Variants in RAPGEF2 observed in about 807,000 individuals in gnomAD.
RAPGEF2 encodes PDZ domain containing guanine nucleotide exchange factor (GEF) 1.
In RAPGEF2, 54 loss-of-function variants were observed where a neutral mutation model predicts 186.7. That is an observed-to-expected ratio of 0.29 (90% CI 0.23 to 0.36). RAPGEF2 has a LOEUF of 0.36. RAPGEF2 is among the 10% of genes least tolerant of loss of function. RAPGEF2 has a pLI of 1.00. For synonymous variants in RAPGEF2, 712 were observed against 705.9 expected (o/e 1.01, Z -0.14); for missense variants, 1,532 against 2,045.0 (o/e 0.75, Z 4.84).
intron 3 of RAPGEF2, among the ~76,000 whole-genome samples, 158 bp downstream of exon 3, chr4:159,193,414 T>C (rs561177350): frequency 1.3e-5 from 2 of 152,350 alleles, no homozygotes; most frequent in East Asian, 3.9e-4. Flanking sequence ...TGTCATAAAA[T>C]AAAAGTTTAC....
chr4:159,183,005 T>C (rs1174003414), intron 1 of RAPGEF2, among the ~76,000 whole-genome samples: 1 of 152,194 alleles, frequency 6.6e-6, no homozygotes, highest in African/African-American at 2.4e-5. Flanking sequence ...CGGATTGGTC[T>C]GCAGATTCAA....
At chr4:159,268,232 C>T (rs1340871284) in intron 7 of RAPGEF2, 2 of 1,543,980 alleles carry the variant, frequency 1.3e-6, no homozygotes, top group South Asian at 1.1e-5. Context: ...ATCGCAAATG[C>T]TGCTTGTGCT....
intron 9 of RAPGEF2, among the ~76,000 whole-genome samples, chr4:159,315,331 G>A (rs966003010): frequency 1.3e-5 from 2 of 151,502 alleles, no homozygotes; most frequent in East Asian, 3.9e-4. Context: ...TTATGTTCAG[G>A]AGTACAAGTG....
intron 7 of RAPGEF2, among the ~76,000 whole-genome samples, chr4:159,262,194 G>C (rs1043942160): frequency 6.6e-6 from 1 of 152,190 alleles, no homozygotes; most frequent in South Asian, 2.1e-4. Context: ...GACAATATCA[G>C]ATAAGTTTTG....
intron 7 of RAPGEF2, among the ~76,000 whole-genome samples, chr4:159,292,381 A>G (rs964693131): frequency 6.6e-6 from 1 of 152,138 alleles, no homozygotes; most frequent in Admixed American, 6.5e-5. Context: ...CCTTCATTCC[A>G]TTCATATCTT....
At chr4:159,283,875 G>T (rs1434952238) in intron 7 of RAPGEF2, among the ~76,000 whole-genome samples, 2 of 152,114 alleles carry the variant, frequency 1.3e-5, no homozygotes, top group African/African-American at 4.8e-5. Context: ...TCTTAATGAT[G>T]CGTCTTTACA....
intron 4 of RAPGEF2, among the ~76,000 whole-genome samples, chr4:159,215,093 C>CCT (rs1750874253): frequency 6.6e-6 from 1 of 152,196 alleles, no homozygotes; most frequent in Non-Finnish European, 1.5e-5. Context: ...GAACTCCTGA[C>CCT]CTCAAGTGAT....
chr4:159,350,309 T>A lies in RAPGEF2; in HGVS notation c.3865+20T>A. On this transcript the variant is annotated intron_variant, in intron 26 of 29. Transcript: ENST00000691494. Reference sequence around the variant, plus strand: ...GGAAAGGTAGAATTAAATTACTTTTTGTTTTCTTGTATTGAAACCTATACA... The same window carrying A: ...GGAAAGGTAGAATTAAATTACTTTTAGTTTTCTTGTATTGAAACCTATACA... 6.6e-7 allele frequency: 1 copy of A among 1,526,080 alleles called. No individual in the cohort carries two copies. The highest frequency in any genetic ancestry group is 8.8e-7 in the Non-Finnish European group (1 of 1,135,898). 94.5% of individuals were successfully genotyped at this position (1,526,080 alleles called of 1,614,324 possible).
chr4:159,127,647 C>G (rs193201844), intron 1 of RAPGEF2, among the ~76,000 whole-genome samples: 86 of 152,204 alleles, frequency 5.7e-4, no homozygotes, highest in Non-Finnish European at 4.3e-4. Context: ...ACCTTTATGA[C>G]CTTTATGTCT....
At chr4:159,149,620 TA>T (rs1481583205) in intron 1 of RAPGEF2, among the ~76,000 whole-genome samples, 6 of 152,306 alleles carry the variant, frequency 3.9e-5, no homozygotes, top group African/African-American at 1.4e-4. Flanking sequence ...CTCCCTTTTT[TA>T]AAATAAGAGA....
intron 25 of RAPGEF2, among the ~76,000 whole-genome samples, chr4:159,348,905 C>T (rs183185338): frequency 2.7e-4 from 41 of 152,282 alleles, no homozygotes; most frequent in African/African-American, 8.7e-4. Context: ...TACAGGTGTT[C>T]CCCCCACTCC....
intron 1 of RAPGEF2, among the ~76,000 whole-genome samples, chr4:159,171,262 A>T (rs1745877647): frequency 6.6e-6 from 1 of 152,216 alleles, no homozygotes. Flanking sequence ...TTTGATTTTC[A>T]TAATTACCTT....
intron 7 of RAPGEF2, among the ~76,000 whole-genome samples, chr4:159,279,837 CCCAG>C (rs1014484747): frequency 1.8e-4 from 27 of 152,036 alleles, no homozygotes; most frequent in Non-Finnish European, 3.8e-4. Context: ...TATCACCACA[CCCAG>C]CTAATTTTTG....
intron 1 of RAPGEF2, among the ~76,000 whole-genome samples, chr4:159,114,161 C>G (rs1237278269): frequency 6.7e-6 from 1 of 150,198 alleles, no homozygotes; most frequent in African/African-American, 2.5e-5. Flanking sequence ...AATGCAGTGG[C>G]ACGATCTCAG....
intron 20 of RAPGEF2, among the ~76,000 whole-genome samples, chr4:159,342,221 A>G (rs1163827292): frequency 6.6e-6 from 1 of 152,164 alleles, no homozygotes; most frequent in African/African-American, 2.4e-5. Flanking sequence ...CAGAAAATCT[A>G]TATCCCCCAC....
At chr4:159,223,905 T>C (rs922072432) in intron 4 of RAPGEF2, among the ~76,000 whole-genome samples, 1 of 148,554 alleles carries the variant, frequency 6.7e-6, no homozygotes, top group African/African-American at 2.5e-5. Flanking sequence ...TAAGTGAACT[T>C]TTTTTTTTTT....
intron 4 of RAPGEF2, among the ~76,000 whole-genome samples, chr4:159,216,759 A>G (rs1751026875): frequency 1.3e-5 from 2 of 152,344 alleles, no homozygotes; most frequent in African/African-American, 4.8e-5. Flanking sequence ...TATTTGCACC[A>G]CGTTGACTGT....
At chr4:159,170,391 G>T (rs868153257) in intron 1 of RAPGEF2, among the ~76,000 whole-genome samples, 3 of 152,050 alleles carry the variant, frequency 2.0e-5, no homozygotes, top group African/African-American at 7.2e-5. Flanking sequence ...ATGGATCGAA[G>T]ATATTTTAAA....
intron 4 of RAPGEF2, among the ~76,000 whole-genome samples, chr4:159,217,698 G>T (rs535404518): frequency 6.6e-6 from 1 of 152,280 alleles, no homozygotes; most frequent in East Asian, 1.9e-4. Flanking sequence ...GGGTCAAATG[G>T]CAGTTCTATT....
Sources: allele counts gnomAD v4.1 joint callset (sites outside exome capture counted in the v4.1 genomes callset), GRCh38; gene constraint gnomAD v4.1.1; transcripts MANE v1.5; gene names NCBI Gene and HGNC (gene_info 2026-07-23, HGNC 2026-07-21).